TRIO: variants seen among roughly 807,000 people sequenced by gnomAD.
TRIO encodes triple functional domain protein.
TRIO carries 58 observed loss-of-function variants against 351.9 expected under a neutral mutation model. The observed-to-expected ratio is 0.16, with a 90% CI of 0.13 to 0.21. The LOEUF (loss-of-function observed/expected upper bound fraction) is 0.21. TRIO is among the 10% of genes least tolerant of loss of function. The pLI is 1.00. For synonymous variants in TRIO, 1,758 were observed against 1,595.7 expected (o/e 1.10, Z -2.42); for missense variants, 3,201 against 4,027.8 (o/e 0.79, Z 5.56).
chr5:14,214,320 C>T (rs1792098290), intron 1 of TRIO, among the ~76,000 whole-genome samples: 1 of 152,128 alleles, frequency 6.6e-6, no homozygotes, highest in African/African-American at 2.4e-5. Flanking sequence ...CCATGGGTCA[C>T]CTAGGGAGGG....
rs190569807 is a variant in TRIO, at chr5:14,442,593, G to A, written c.5204-18426G>A. ...AAACCTTTAAAAAGTCTTTGACCCT[G>A]GGCTCTTTTTGTCATATTTATGCTA... is the stretch of plus-strand genomic sequence containing the variant. On this transcript the variant is annotated intron_variant, in intron 34 of 56. Coordinates refer to ENST00000344204, the MANE Select transcript of TRIO (RefSeq NM_007118.4). 1.2e-3 allele frequency among the ~76,000 whole-genome samples: 186 copies of A among 152,210 alleles called. 2 individuals are homozygous for A. The highest frequency in any genetic ancestry group is 4.1e-3 in the African/African-American group (170 of 41,524).
At chr5:14,158,082 A>G (rs1043410087) in intron 1 of TRIO, among the ~76,000 whole-genome samples, 1 of 150,604 alleles carries the variant, frequency 6.6e-6, no homozygotes, top group Non-Finnish European at 1.5e-5. Context: ...AAGAAAAAAA[A>G]TCATAATTTG....
At chr5:14,245,023 C>T (rs1794350158) in intron 1 of TRIO, among the ~76,000 whole-genome samples, 1 of 152,218 alleles carries the variant, frequency 6.6e-6, no homozygotes. Context: ...TCCCACAGTT[C>T]TCTACAGCAA....
chr5:14,485,251 T>A lies in TRIO; in HGVS notation c.6835+5T>A. 1 of 1,573,210 alleles carries A rather than the reference T, an allele frequency of 6.4e-7. No individual in the cohort carries two copies. The highest frequency in any genetic ancestry group is 8.7e-7 in the Non-Finnish European group (1 of 1,151,714). ...ACCAGCGCAATTTTTTAAATGGTAA[T>A]GTGTGTTCTGTTACTAGATGTGTGC... On this transcript the variant is annotated splice_donor_5th_base_variant and intron_variant, in intron 47 of 56. Coordinates refer to ENST00000344204, the MANE Select transcript of TRIO (RefSeq NM_007118.4).
intron 2 of TRIO, 95 bp from the exon 3 acceptor site, chr5:14,280,224 AGTT>A: frequency 8.9e-7 from 1 of 1,127,318 alleles, no homozygotes; most frequent in East Asian, 2.5e-5. Context: ...AAATTTGTGT[AGTT>A]GCTTTAGGAA....
At chr5:14,475,568 T>C (rs1755011534) in intron 40 of TRIO, among the ~76,000 whole-genome samples, 1 of 152,234 alleles carries the variant, frequency 6.6e-6, no homozygotes. Context: ...AGGTCTTTAT[T>C]TTCATATCCC....
At chr5:14,174,592 C>T (rs1474133906) in intron 1 of TRIO, among the ~76,000 whole-genome samples, 1 of 152,180 alleles carries the variant, frequency 6.6e-6, no homozygotes, top group Non-Finnish European at 1.5e-5. Flanking sequence ...GTATACAACA[C>T]ACACAAGGCT....
At chr5:14,467,429 G>T (rs929036812) in intron 37 of TRIO, among the ~76,000 whole-genome samples, 3 of 152,150 alleles carry the variant, frequency 2.0e-5, no homozygotes, top group Non-Finnish European at 4.4e-5. Context: ...CCAGGTAATC[G>T]TGTGGTGTTC....
chr5:14,172,732 A>AT (rs1196558324), intron 1 of TRIO, among the ~76,000 whole-genome samples: 1 of 152,262 alleles, frequency 6.6e-6, no homozygotes, highest in Non-Finnish European at 1.5e-5. Flanking sequence ...GAGTTGTAGA[A>AT]TGGGGATAAG....
intron 48 of TRIO, chr5:14,489,089 C>G (rs899787854): frequency 2.6e-6 from 2 of 764,646 alleles, no homozygotes; most frequent in Non-Finnish European, 4.8e-6. Context: ...TAGAACTGTT[C>G]TAATGAGTGT....
At chr5:14,482,407 A>G (rs1254003354) in intron 45 of TRIO, 175 bp from the exon 46 acceptor site, 4 of 446,244 alleles carry the variant, frequency 9.0e-6, no homozygotes, top group Non-Finnish European at 1.5e-5. Context: ...TTATTTAGAT[A>G]ATTATTCTGT....
Position 14,363,829 on chromosome 5 carries a change from A to C in TRIO, c.2489A>C (p.His830Pro). ...DLTIAEQRLQ[H>P]HADKALTMNN... Reference sequence around the variant, plus strand: ...ACGATTGCAGAGCAGCGCCTCCAGCACCATGCAGACAAAGCCTTGACCATG... The same window carrying C: ...ACGATTGCAGAGCAGCGCCTCCAGCCCCATGCAGACAAAGCCTTGACCATG... The change falls in exon 14 of 57, where the codon CAC (histidine) becomes CCC (proline). Residue 830 changes from histidine (H) to proline (P), a missense_variant. Coordinates refer to ENST00000344204, the MANE Select transcript of TRIO (RefSeq NM_007118.4). 6.2e-7 allele frequency: 1 copy of C among 1,614,230 alleles called. No homozygotes were observed.
intron 19 of TRIO, among the ~76,000 whole-genome samples, chr5:14,377,268 C>T (rs1333546425): frequency 9.5e-5 from 14 of 148,088 alleles, no homozygotes; most frequent in African/African-American, 3.5e-4. Flanking sequence ...TTTTTTTAGA[C>T]GGAGTCTTGC....
intron 1 of TRIO, 104 bp from the exon 2 acceptor site, chr5:14,270,721 A>G (rs1204865766): frequency 1.2e-6 from 1 of 808,490 alleles, no homozygotes; most frequent in Non-Finnish European, 2.1e-6. Flanking sequence ...AGTTGATTTA[A>G]TGGATGTGGA....
At position 14,226,901 on chromosome 5, in the gene TRIO, C is replaced by CTGCAGCTCTCCTCCTCCCTGGTTTT. The variant is rs781117534; in HGVS notation, c.158-43910_158-43909insTCCCTGGTTTTTGCAGCTCTCCTCC. Reference sequence around the variant, plus strand: ...CTGCAGCTCTCCTCCTCCCTGGTTTCTGCAGCTCTCCTCCCTGGCTTTTGC... The same window carrying CTGCAGCTCTCCTCCTCCCTGGTTTT: ...CTGCAGCTCTCCTCCTCCCTGGTTTCTGCAGCTCTCCTCCTCCCTGGTTTTTGCAGCTCTCCTCCCTGGCTTTTGC... On this transcript the variant is annotated intron_variant, in intron 1 of 56. Transcript: ENST00000344204. Among the ~76,000 whole-genome samples, 264 of 151,668 alleles carry CTGCAGCTCTCCTCCTCCCTGGTTTT rather than the reference C, an allele frequency of 1.7e-3. 1 individual carries two copies. The highest frequency in any genetic ancestry group is 6.1e-3 in the African/African-American group (252 of 41,356).
chr5:14,336,739 G>A lies in TRIO; in HGVS notation c.2046+12G>A, dbSNP rs2152319429. On this transcript the variant is annotated intron_variant, in intron 11 of 56. Coordinates refer to ENST00000344204, the MANE Select transcript of TRIO (RefSeq NM_007118.4). ...CCCATGTGAAAGAGGTAAGGTGCCA[G>A]GAGACCAAAATATGATCTGTGCTTG... 1 of 1,613,882 alleles carries A rather than the reference G, an allele frequency of 6.2e-7. No individual in the cohort carries two copies. The highest frequency in any genetic ancestry group is 8.5e-7 in the Non-Finnish European group (1 of 1,179,870).
chr5:14,406,957 T>TAGGAA (rs1274634047), intron 33 of TRIO, among the ~76,000 whole-genome samples: 13 of 152,234 alleles, frequency 8.5e-5, no homozygotes, highest in Non-Finnish European at 1.6e-4. Context: ...CTTAGACTTT[T>TAGGAA]TAATCTTATT....
intron 5 of TRIO, among the ~76,000 whole-genome samples, chr5:14,291,608 G>A (rs1002748182): frequency 5.3e-5 from 8 of 151,720 alleles, no homozygotes; most frequent in Non-Finnish European, 1.2e-4. Context: ...GGCCAACATA[G>A]TGAAACCCCG....
chr5:14,465,972 T>C, intron 37 of TRIO: 2 of 314,306 alleles, frequency 6.4e-6, no homozygotes, highest in Admixed American at 7.9e-5. Flanking sequence ...AGACAGAGGA[T>C]TGCCAACCAC....
Sources: gnomAD v4.1 joint callset for allele counts (sites outside exome capture counted in the v4.1 genomes callset) on GRCh38, gnomAD v4.1.1 for gene constraint, MANE v1.5 for transcripts, NCBI Gene and HGNC (gene_info 2026-07-23, HGNC 2026-07-21) for gene names.